The following MTUS1 variants were observed in gnomAD, a reference collection of about 807,000 sequenced individuals.
MTUS1 encodes the protein microtubule-associated tumor suppressor 1.
MTUS1 carries 109 observed loss-of-function variants against 120.8 expected under a neutral mutation model. The observed-to-expected ratio is 0.90, with a 90% CI of 0.77 to 1.06. MTUS1 has a LOEUF of 1.06. Among genes scored for constraint, MTUS1 ranks in the 50% least tolerant of loss-of-function variants. MTUS1 has a pLI of 0.00. For synonymous variants in MTUS1, 737 were observed against 550.5 expected, an observed-to-expected ratio of 1.34 and a Z score of -4.74; for missense variants, 2,210 against 1,486.3, an observed-to-expected ratio of 1.49 and a Z score of -8.01.
intron 6 of MTUS1, among the ~76,000 whole-genome samples, chr8:17,710,204 G>GTT (rs1013786901): frequency 3.3e-5 from 5 of 152,244 alleles, no homozygotes; most frequent in African/African-American, 1.2e-4. Context: ...CAGCAATGAA[G>GTT]TTTGCGACAT....
chr8:17,684,896 C>G (rs1815431883), intron 6 of MTUS1, among the ~76,000 whole-genome samples: 2 of 152,086 alleles, frequency 1.3e-5, no homozygotes, highest in South Asian at 4.1e-4. Context: ...TGAAGAGAAG[C>G]CTGACTTTTC....
intron 7 of MTUS1, among the ~76,000 whole-genome samples, chr8:17,676,847 T>C (rs955393029): frequency 3.3e-5 from 5 of 151,990 alleles, no homozygotes; most frequent in African/African-American, 1.2e-4. Flanking sequence ...ATGCTGTCGT[T>C]TACAAATTTA....
intron 6 of MTUS1, among the ~76,000 whole-genome samples, chr8:17,703,191 A>G (rs965149114): frequency 3.9e-5 from 6 of 152,202 alleles, no homozygotes; most frequent in African/African-American, 1.2e-4. Flanking sequence ...TTCTTCTTGC[A>G]GAGAGCCTAT....
intron 3 of MTUS1, among the ~76,000 whole-genome samples, chr8:17,725,403 T>C (rs1198857774): frequency 6.6e-6 from 1 of 152,190 alleles, no homozygotes; most frequent in African/African-American, 2.4e-5. Flanking sequence ...AGCCTCACTC[T>C]TGTATGGCTC....
intron 3 of MTUS1, among the ~76,000 whole-genome samples, chr8:17,736,764 T>C (rs887349980): frequency 3.3e-5 from 5 of 151,940 alleles, no homozygotes; most frequent in Non-Finnish European, 7.4e-5. Flanking sequence ...TTTGTATGTT[T>C]AGTAGAGATG....
At chr8:17,698,248 A>C (rs1201276713) in intron 6 of MTUS1, among the ~76,000 whole-genome samples, 1 of 152,196 alleles carries the variant, frequency 6.6e-6, no homozygotes, top group African/African-American at 2.4e-5. Context: ...CATTTATAGA[A>C]CATCATGTGG....
intron 6 of MTUS1, among the ~76,000 whole-genome samples, chr8:17,704,678 A>G (rs182848089): frequency 2.2e-3 from 341 of 152,334 alleles, no homozygotes; most frequent in African/African-American, 8.0e-3. Flanking sequence ...GTGTTGTAAT[A>G]TACTTTAAAA....
chr8:17,672,383 G>A (rs982551950), intron 8 of MTUS1, among the ~76,000 whole-genome samples: 12 of 152,186 alleles, frequency 7.9e-5, no homozygotes, highest in Admixed American at 5.9e-4. Flanking sequence ...AATTGGGACA[G>A]AAGAGATACA....
intron 6 of MTUS1, among the ~76,000 whole-genome samples, chr8:17,689,115 G>A (rs889751881): frequency 1.3e-5 from 2 of 152,130 alleles, no homozygotes; most frequent in African/African-American, 4.8e-5. Context: ...GGAGGCTGAG[G>A]CAGGAGAATC....
rs555793784 is a variant in MTUS1, at chr8:17,650,616, G to A, written c.3385-654C>T. On this transcript the variant is annotated intron_variant, in intron 12 of 14. Transcript: ENST00000693296. ...TCCCAGCTACTCAGGAGGCTGAGGC[G>A]GGAGGATCAACTGAGCCAGGAGGTC... 1.6e-4 allele frequency among the ~76,000 whole-genome samples: 25 copies of A among 152,228 alleles called. No individual in the cohort carries two copies. In the South Asian group the frequency reaches 2.7e-3, roughly 16 times the overall value.
At chr8:17,671,757 G>A (rs1249148696) in intron 8 of MTUS1, among the ~76,000 whole-genome samples, 1 of 152,124 alleles carries the variant, frequency 6.6e-6, no homozygotes, top group Non-Finnish European at 1.5e-5. Flanking sequence ...TCATTGAGAA[G>A]GTGAAGAAAA....
At chr8:17,664,942 A>G (rs1810574448) in intron 8 of MTUS1, among the ~76,000 whole-genome samples, 1 of 152,182 alleles carries the variant, frequency 6.6e-6, no homozygotes, top group African/African-American at 2.4e-5. Flanking sequence ...GACCCAGACT[A>G]TCCCACAAAT....
At chr8:17,728,764 T>C (rs369106363) in intron 3 of MTUS1, among the ~76,000 whole-genome samples, 1 of 139,812 alleles carries the variant, frequency 7.2e-6, no homozygotes, top group South Asian at 2.6e-4. Context: ...GGGATGGATA[T>C]GGTGGGAAGA....
intron 6 of MTUS1, among the ~76,000 whole-genome samples, chr8:17,691,539 T>C (rs1401290394): frequency 6.6e-6 from 1 of 152,258 alleles, no homozygotes. Context: ...CTTTCATGAC[T>C]GCTTTCAAGG....
chr8:17,721,825 G>A (rs777624009), intron 4 of MTUS1: 3 of 1,614,138 alleles, frequency 1.9e-6, no homozygotes, highest in Middle Eastern at 1.6e-4. Context: ...AGCCGGTGGG[G>A]TGAGTGTAGA....
chr8:17,710,496 C>G (rs148525425), intron 6 of MTUS1, among the ~76,000 whole-genome samples: 17 of 152,316 alleles, frequency 1.1e-4, no homozygotes, highest in Middle Eastern at 3.4e-3. Context: ...TGCAGTCACA[C>G]CTTAGGCTTC....
chr8:17,753,003 A>C (rs999307647), intron 2 of MTUS1, among the ~76,000 whole-genome samples: 1 of 152,192 alleles, frequency 6.6e-6, no homozygotes, highest in African/African-American at 2.4e-5. Flanking sequence ...TTTATTCTTT[A>C]AACAGCACTC....
chr8:17,767,755 A>G (rs562912627), intron 1 of MTUS1, among the ~76,000 whole-genome samples: 1 of 148,454 alleles, frequency 6.7e-6, no homozygotes, highest in South Asian at 2.1e-4. Flanking sequence ...AAGATGCTCC[A>G]AGTTTGGGGG....
At chr8:17,674,764 C>T in intron 8 of MTUS1, 1 of 1,003,186 alleles carries the variant, frequency 1.0e-6, no homozygotes, top group Non-Finnish European at 1.2e-6. Flanking sequence ...ATCCTTTCAA[C>T]TTCATACTCA....
Sources: gnomAD v4.1 joint callset for allele counts (sites outside exome capture counted in the v4.1 genomes callset) on GRCh38, gnomAD v4.1.1 for gene constraint, MANE v1.5 for transcripts, NCBI Gene and HGNC (gene_info 2026-07-23, HGNC 2026-07-21) for gene names.